Variants in MCC observed in about 807,000 individuals in gnomAD.
The protein encoded by MCC is colorectal mutant cancer protein.
MCC carries 90 observed loss-of-function variants against 116.2 expected under a neutral mutation model. The observed-to-expected ratio is 0.77, with a 90% CI of 0.65 to 0.92. MCC has a LOEUF of 0.92. MCC is among the 40% of genes least tolerant of loss of function. The pLI is 0.00. For synonymous variants in MCC, 578 were observed against 510.5 expected (o/e 1.13, Z -1.78); for missense variants, 1,516 against 1,312.2 (o/e 1.16, Z -2.40).
intron 6 of MCC, among the ~76,000 whole-genome samples, chr5:113,109,158 T>G (rs572560379): frequency 6.6e-6 from 1 of 152,152 alleles, no homozygotes; most frequent in African/African-American, 2.4e-5. Context: ...CTGGATCATA[T>G]GGTAATTCTA....
At chr5:113,226,353 T>C (rs1045194070) in intron 3 of MCC, among the ~76,000 whole-genome samples, 3 of 152,194 alleles carry the variant, frequency 2.0e-5, no homozygotes, top group African/African-American at 7.2e-5. Flanking sequence ...GCAGGAGCCA[T>C]GATGGAGAAA....
At chr5:113,372,140 A>T (rs1440523100) in intron 2 of MCC, among the ~76,000 whole-genome samples, 2 of 152,224 alleles carry the variant, frequency 1.3e-5, no homozygotes, top group Non-Finnish European at 2.9e-5. Flanking sequence ...CAACACAGGT[A>T]ATCACTGACT....
At chr5:113,395,384 T>C (rs1318835916) in intron 1 of MCC, among the ~76,000 whole-genome samples, 1 of 152,044 alleles carries the variant, frequency 6.6e-6, no homozygotes, top group Non-Finnish European at 1.5e-5. Flanking sequence ...GAAAAAAAAA[T>C]TAAGCTGAAA....
chr5:113,076,097 C>G lies in MCC; in HGVS notation c.1785-4863G>C, dbSNP rs577444107. On this transcript the variant is annotated intron_variant, in intron 11 of 18. Coordinates refer to ENST00000408903, the MANE Select transcript of MCC (RefSeq NM_001085377.2). ...AACTGTAACACTCACTGCGAGGGTCCACGGCTTCATTCTTGAAGTCAGCAA... is the reference window on the plus strand; with the variant it reads ...AACTGTAACACTCACTGCGAGGGTCGACGGCTTCATTCTTGAAGTCAGCAA... Among the ~76,000 whole-genome samples the G allele has an allele frequency of 2.0e-5, 3 of 152,220 alleles. No homozygotes were observed. The South Asian group carries it at 6.2e-4, about 32-fold the overall frequency.
intron 3 of MCC, among the ~76,000 whole-genome samples, chr5:113,227,368 TAAG>T (rs1261750971): frequency 1.3e-5 from 2 of 152,214 alleles, no homozygotes; most frequent in African/African-American, 2.4e-5. Flanking sequence ...TTAGGCACTA[TAAG>T]AAGTATATAG....
intron 8 of MCC, among the ~76,000 whole-genome samples, chr5:113,100,741 G>A (rs1006407932): frequency 6.6e-6 from 1 of 152,120 alleles, no homozygotes; most frequent in Non-Finnish European, 1.5e-5. Flanking sequence ...AAAGTGCTCG[G>A]ATTACAGGCG....
Position 113,053,708 on chromosome 5 carries a change from AC to A in MCC, c.2448+16del, listed in dbSNP as rs748551205. The A allele has an allele frequency of 2.5e-6, 4 of 1,577,392 alleles. No individual in the cohort carries two copies. The highest frequency in any genetic ancestry group is 1.3e-5 in the African/African-American group (1 of 74,112). ...TCCTGGTGGCAGCCTAGCACATGGG[AC>A]CCACCCACCACATACCTTCATGGCC... On this transcript the variant is annotated intron_variant, in intron 15 of 18. Transcript: ENST00000408903.
chr5:113,282,427 C>T (rs1485446029), intron 3 of MCC, among the ~76,000 whole-genome samples: 2 of 152,180 alleles, frequency 1.3e-5, no homozygotes, highest in African/African-American at 2.4e-5. Context: ...ATAAGCAGTT[C>T]AGATGCCCAA....
intron 17 of MCC, among the ~76,000 whole-genome samples, chr5:113,036,282 C>T (rs996079215): frequency 4.6e-5 from 7 of 152,076 alleles, no homozygotes; most frequent in Non-Finnish European, 1.0e-4. Context: ...AGGTGATCCA[C>T]CTGCCTTGGC....
chr5:113,461,005 A>G lies in MCC; in HGVS notation c.170+27240T>C, dbSNP rs370021177. Among the ~76,000 whole-genome samples, 13 of 152,288 alleles carry G rather than the reference A, an allele frequency of 8.5e-5. No individual in the cohort carries two copies. In the East Asian group the frequency reaches 1.9e-3, roughly 23 times the overall value. ...ATAAGCCAAGCACTCTTAAAAACAC[A>G]TTTTTCGACTCAGGAGGCTGAAGCA... On this transcript the variant is annotated intron_variant, in intron 1 of 18. Coordinates refer to ENST00000408903, the MANE Select transcript of MCC (RefSeq NM_001085377.2).
At chr5:113,052,127 C>CT (rs77576987) in intron 15 of MCC, among the ~76,000 whole-genome samples, 72,536 of 152,000 alleles carry the variant, frequency 0.48, 18,440 homozygotes, top group East Asian at 0.63. Flanking sequence ...AGTATTAGAA[C>CT]TTTTATTCCA....
chr5:113,462,642 C>A (rs1445232953), intron 1 of MCC, among the ~76,000 whole-genome samples: 1 of 152,156 alleles, frequency 6.6e-6, no homozygotes, highest in Non-Finnish European at 1.5e-5. Context: ...AGCCTAGAAA[C>A]CCCTCAAAAA....
intron 3 of MCC, among the ~76,000 whole-genome samples, chr5:113,174,573 A>T (rs1761233286): frequency 6.6e-6 from 1 of 151,850 alleles, no homozygotes; most frequent in African/African-American, 2.4e-5. Flanking sequence ...TGGAGAAAAA[A>T]CCCACGACAT....
At chr5:113,157,303 A>C (rs2150294910) in intron 3 of MCC, among the ~76,000 whole-genome samples, 1 of 152,262 alleles carries the variant, frequency 6.6e-6, no homozygotes, top group African/African-American at 2.4e-5. Flanking sequence ...ATGCTTCCCG[A>C]TTTGCTGAGG....
chr5:113,107,208 C>CTA (rs1554053064), intron 6 of MCC, among the ~76,000 whole-genome samples: 3 of 125,070 alleles, frequency 2.4e-5, no homozygotes, highest in African/African-American at 3.5e-5. Context: ...GCATGTTTTT[C>CTA]TTTTTTTTTT....
intron 15 of MCC, 82 bp downstream of exon 15, chr5:113,053,643 T>C (rs972273606): frequency 2.0e-6 from 2 of 985,888 alleles, no homozygotes; most frequent in African/African-American, 1.6e-5. Flanking sequence ...TGATTCCTCC[T>C]TATCTGCTGG....
intron 3 of MCC, among the ~76,000 whole-genome samples, chr5:113,249,303 GCT>G (rs1764702809): frequency 6.6e-6 from 1 of 152,170 alleles, no homozygotes; most frequent in African/African-American, 2.4e-5. Flanking sequence ...ATCAAGATCT[GCT>G]CAGAACCAAA....
chr5:113,232,167 C>A (rs1403005039), intron 3 of MCC, among the ~76,000 whole-genome samples: 2 of 152,076 alleles, frequency 1.3e-5, no homozygotes, highest in Non-Finnish European at 2.9e-5. Context: ...ATTTTCTAAA[C>A]TCCAGGGGAA....
chr5:113,454,864 T>C (rs982318736), intron 1 of MCC, among the ~76,000 whole-genome samples: 1 of 152,162 alleles, frequency 6.6e-6, no homozygotes, highest in Non-Finnish European at 1.5e-5. Context: ...AAATACTACA[T>C]GCATGCACAC....
Sources: gnomAD v4.1 joint callset for allele counts (sites outside exome capture counted in the v4.1 genomes callset) on GRCh38, gnomAD v4.1.1 for gene constraint, MANE v1.5 for transcripts, NCBI Gene and HGNC (gene_info 2026-07-23, HGNC 2026-07-21) for gene names.